ZNF565: variants seen among roughly 807,000 people sequenced by gnomAD.
ZNF565 encodes the protein zinc finger protein 565.
In ZNF565, 27 loss-of-function variants were observed where a neutral mutation model predicts 39.4. That is an observed-to-expected ratio of 0.69 (90% CI 0.51 to 0.95). The LOEUF is 0.95. Ranked by LOEUF, ZNF565 falls within the 40% of genes least tolerant of loss-of-function variation. The probability of loss-of-function intolerance (pLI) is 0.00; values close to 1 mark genes in which losing one functional copy is unlikely to be tolerated. For missense variants in ZNF565, 524 were observed against 621.1 expected (o/e 0.84, Z 1.66); for synonymous variants, 185 against 216.6 (o/e 0.85, Z 1.28).
At chr19:36,187,329 T>C (rs755836059) in intron 4 of ZNF565, among the ~76,000 whole-genome samples, 5 of 151,926 alleles carry the variant, frequency 3.3e-5, no homozygotes, top group Non-Finnish European at 7.4e-5. Context: ...CCTCCTAATA[T>C]ATATATTTAT....
chr19:36,192,909 TG>T (rs1385122752), intron 4 of ZNF565, among the ~76,000 whole-genome samples: 1 of 151,956 alleles, frequency 6.6e-6, no homozygotes, highest in African/African-American at 2.4e-5. Context: ...CTCCACCTCA[TG>T]GGTTCAAGAG....
intron 4 of ZNF565, among the ~76,000 whole-genome samples, chr19:36,186,943 C>A (rs1975322775): frequency 6.6e-6 from 1 of 152,144 alleles, no homozygotes; most frequent in Non-Finnish European, 1.5e-5. Context: ...GCAACCCCAG[C>A]ACTTTGGGAG....
In ZNF565 at chr19:36,190,054, G is replaced by A. The variant is rs1055518090; in HGVS notation, c.232+4179C>T. 2.6e-5 allele frequency among the ~76,000 whole-genome samples: 4 copies of A among 151,844 alleles called. No individual in the cohort carries two copies. In the South Asian group the frequency reaches 6.3e-4, roughly 24 times the overall value. On this transcript the variant is annotated intron_variant, in intron 4 of 4. Transcript: ENST00000304116. ...TCACCATGTTGGCCAGACTGGTTTC[G>A]AACTCCTGACCTCAAGTGATCCACC...
At chr19:36,215,436 T>C (rs966385397), upstream of ZNF565, among the ~76,000 whole-genome samples, 1 of 152,042 alleles carries the variant, frequency 6.6e-6, no homozygotes, top group African/African-American at 2.4e-5. Flanking sequence ...TTGTGTGTGA[T>C]TGTGCCTAAG....
At chr19:36,237,403 C>T in intron 1 of ZNF565, 3 of 1,470,016 alleles carry the variant, frequency 2.0e-6, no homozygotes, top group Non-Finnish European at 1.8e-6. Flanking sequence ...CCTTCTGAAG[C>T]AAAGCACCAC....
chr19:36,188,729 A>AAAC (rs913861402), intron 4 of ZNF565, among the ~76,000 whole-genome samples: 19 of 151,944 alleles, frequency 1.3e-4, no homozygotes, highest in South Asian at 1.0e-3. Context: ...AAAAAAAACA[A>AAAC]AACAACAACA....
intron 2 of ZNF565, among the ~76,000 whole-genome samples, chr19:36,200,030 AT>A (rs556993580): frequency 6.1e-4 from 89 of 144,792 alleles, no homozygotes; most frequent in Admixed American, 1.7e-3. Flanking sequence ...AAGAAATATA[AT>A]TTTTTTTTTT....
intron 3 of ZNF565, chr19:36,194,713 C>G (rs116128937): frequency 6.1e-6 from 3 of 495,100 alleles, no homozygotes; most frequent in Non-Finnish European, 1.1e-5. Context: ...GACAGCTCAC[C>G]GTAAGGACTG....
intron 1 of ZNF565, among the ~76,000 whole-genome samples, chr19:36,243,591 G>T (rs1977833567): frequency 6.6e-6 from 1 of 152,186 alleles, no homozygotes; most frequent in Non-Finnish European, 1.5e-5. Flanking sequence ...TGGAAGGAGG[G>T]AAGTCTCAGA....
In ZNF565 at chr19:36,183,265, C is replaced by T. The variant is rs1025090870; in HGVS notation, c.701G>A (p.Arg234His). 35 of 1,613,842 alleles carry T rather than the reference C, an allele frequency of 2.2e-5. No homozygotes were observed. Among genetic ancestry groups the T allele is most frequent in the Admixed American group, 3.3e-5 (2 of 59,974 alleles). ...CTGATGTAGAATAAGTTCTGATGTA[C>T]GACCAAAGGCCTTCCCACAGTCCTT... ...DCKDCGKAFG[R>H]TSELILHQRL... The change falls in exon 5 of 5, where the codon CGT (arginine) becomes CAT (histidine). Residue 234 changes from arginine (R) to histidine (H), a missense_variant. Transcript: ENST00000304116.
At chr19:36,211,351 G>A (rs1976347934) in intron 1 of ZNF565, among the ~76,000 whole-genome samples, 1 of 151,890 alleles carries the variant, frequency 6.6e-6, no homozygotes, top group Non-Finnish European at 1.5e-5. Flanking sequence ...GCTGAGGCAG[G>A]AGAATCGCTT....
intron 2 of ZNF565, 144 bp from the exon 3 acceptor site, chr19:36,195,300 G>C (rs1484767413): frequency 3.2e-5 from 31 of 977,234 alleles, no homozygotes; most frequent in Admixed American, 1.1e-4. Context: ...CAGTTAACAA[G>C]GTGTACCCTG....
chr19:36,202,586 A>T (rs1976005808), intron 1 of ZNF565, among the ~76,000 whole-genome samples: 1 of 152,078 alleles, frequency 6.6e-6, no homozygotes, highest in African/African-American at 2.4e-5. Flanking sequence ...TTGGCCCTAG[A>T]TGGGGCCTAG....
At chr19:36,237,962 G>A (rs1977706315) in intron 1 of ZNF565, 1 of 167,020 alleles carries the variant, frequency 6.0e-6, no homozygotes, top group Admixed American at 6.5e-5. Context: ...CTTGGGAATA[G>A]GGAAACATTC....
intron 1 of ZNF565, among the ~76,000 whole-genome samples, chr19:36,225,422 T>C (rs556612317): frequency 6.6e-6 from 1 of 152,222 alleles, no homozygotes; most frequent in Non-Finnish European, 1.5e-5. Context: ...TTGTGGTCTA[T>C]TTATAGCTTT....
chr19:36,188,722 A>AC (rs927785870), intron 4 of ZNF565, among the ~76,000 whole-genome samples: 166 of 152,024 alleles, frequency 1.1e-3, no homozygotes, highest in African/African-American at 3.7e-3. Flanking sequence ...AAAAAAAAAA[A>AC]AAAACAAAAC....
chr19:36,197,071 G>A (rs1433881434), intron 2 of ZNF565, among the ~76,000 whole-genome samples: 2 of 149,574 alleles, frequency 1.3e-5, no homozygotes, highest in Non-Finnish European at 3.0e-5. Context: ...AAAAAAAGAA[G>A]TCCAGCCTGG....
At position 36,204,392 on chromosome 19, in the gene ZNF565, T is replaced by C. The variant is rs1480731946; in HGVS notation, c.-65-2342A>G. 3.9e-5 allele frequency among the ~76,000 whole-genome samples: 6 copies of C among 152,280 alleles called. No homozygotes were observed. The East Asian group carries it at 1.2e-3, about 29-fold the overall frequency. ...ATATTGTGAGCAGAGTGAAATGCAG[T>C]GGCAAAAACACTGGACTGAAAGCAA... On this transcript the variant is annotated intron_variant, in intron 1 of 4. Coordinates refer to ENST00000304116, the MANE Select transcript of ZNF565 (RefSeq NM_152477.5).
upstream of ZNF565, among the ~76,000 whole-genome samples, chr19:36,217,809 C>T (rs1488458938): frequency 2.0e-5 from 3 of 151,556 alleles, no homozygotes; most frequent in South Asian, 2.1e-4. Flanking sequence ...TGCTTGAACC[C>T]GGGAGGCGGA....
Sources: allele counts gnomAD v4.1 joint callset (sites outside exome capture counted in the v4.1 genomes callset), GRCh38; gene constraint gnomAD v4.1.1; transcripts MANE v1.5; gene names NCBI Gene and HGNC (gene_info 2026-07-23, HGNC 2026-07-21).